MCF2L2: variants seen among roughly 807,000 people sequenced by gnomAD.
MCF2L2 encodes the protein MCF.2 cell line derived transforming sequence-like 2.
Under a neutral mutation model 150.2 loss-of-function variants are expected in MCF2L2, and 102 were observed. The observed-to-expected ratio is 0.68, with a 90% CI of 0.58 to 0.80. MCF2L2 has a LOEUF of 0.80. Among genes scored for constraint, MCF2L2 ranks in the 30% least tolerant of loss-of-function variants. MCF2L2 has a pLI of 0.00. For synonymous variants in MCF2L2, 465 were observed against 491.3 expected, an observed-to-expected ratio of 0.95 and a Z score of 0.71; for missense variants, 1,256 against 1,372.8, an observed-to-expected ratio of 0.91 and a Z score of 1.34.
intron 25 of MCF2L2, among the ~76,000 whole-genome samples, chr3:183,201,278 G>T (rs1276992225): frequency 1.3e-5 from 2 of 152,006 alleles, no homozygotes; most frequent in East Asian, 1.9e-4. Context: ...TTCTTCCATT[G>T]GTTTGTGTCC....
chr3:183,306,829 C>T (rs1259869877), intron 10 of MCF2L2, among the ~76,000 whole-genome samples: 2 of 152,220 alleles, frequency 1.3e-5, no homozygotes, highest in African/African-American at 4.8e-5. Flanking sequence ...TTCTTAGACA[C>T]AGCACCCTTA....
intron 5 of MCF2L2, among the ~76,000 whole-genome samples, chr3:183,333,961 C>CAAA (rs57368442): frequency 3.2e-5 from 3 of 95,004 alleles, no homozygotes; most frequent in Non-Finnish European, 5.2e-5. Flanking sequence ...AAGGAAGTGC[C>CAAA]AAAAAAAAAA....
intron 15 of MCF2L2, among the ~76,000 whole-genome samples, chr3:183,269,230 C>CTTGTTTTTTTTTTTTTTTTTTTT (rs1726468748): frequency 1.2e-5 from 1 of 81,030 alleles, no homozygotes; most frequent in African/African-American, 6.4e-5. Context: ...GTTTGGGAAG[C>CTTGTTTTTTTTTTTTTTTTTTTT]TTTTTTTTTT....
chr3:183,214,109 A>G (rs575273602), intron 22 of MCF2L2, among the ~76,000 whole-genome samples: 1 of 152,172 alleles, frequency 6.6e-6, no homozygotes, highest in East Asian at 1.9e-4. Context: ...TCCTCCTCCT[A>G]TGTTATTTAC....
rs1457159011 is a variant in MCF2L2 at position 183,342,474 on chromosome 3, T to C, written c.276-844A>G. Among the ~76,000 whole-genome samples, 9 of 152,296 alleles carry C rather than the reference T, an allele frequency of 5.9e-5. No individual in the cohort carries two copies. In the East Asian group the frequency reaches 1.3e-3, roughly 23 times the overall value. ...GATTCTGGAACCAACTTGACTAGAT[T>C]TGAATTCTGAATTCTATTTATATAT... On this transcript the variant is annotated intron_variant, in intron 3 of 29. Coordinates refer to ENST00000328913, the MANE Select transcript of MCF2L2 (RefSeq NM_015078.4).
chr3:183,298,378 C>A (rs993483283), intron 11 of MCF2L2: 4 of 152,292 alleles, frequency 2.6e-5, no homozygotes, highest in Admixed American at 2.6e-4. Flanking sequence ...CAAAATGCAA[C>A]ACGCCAAAGT....
Position 183,179,361 on chromosome 3 carries a change from G to T in MCF2L2, c.*19C>A, listed in dbSNP as rs1043759152. On this transcript the variant is annotated 3_prime_UTR_variant, in exon 30 of 30. Transcript: ENST00000328913. The surrounding 1 kb of genome is among the most constrained non-coding windows in gnomAD (Gnocchi z 4.2). Reference sequence around the variant, plus strand: ...TGCGGGCGCTCTGGAGCCGAGGAGCGGGGGCGTCCGCAGGGAGGTCAGCTC... The same window carrying T: ...TGCGGGCGCTCTGGAGCCGAGGAGCTGGGGCGTCCGCAGGGAGGTCAGCTC... The T allele has an allele frequency of 1.4e-6, 2 of 1,431,464 alleles. No homozygotes were observed. Among genetic ancestry groups the T allele is most frequent in the Admixed American group, 5.9e-5 (2 of 34,188 alleles). 88.7% of individuals were successfully genotyped at this position (1,431,464 alleles called of 1,614,324 possible). A position where few individuals can be genotyped will look rare whatever the true frequency, so the allele number is the denominator to read the frequency against.
chr3:183,210,001 T>C (rs1311323779), intron 22 of MCF2L2, among the ~76,000 whole-genome samples: 1 of 152,046 alleles, frequency 6.6e-6, no homozygotes, highest in Admixed American at 6.5e-5. Context: ...TTCAAACTTG[T>C]AGTTTCTATC....
At chr3:183,401,365 A>T (rs1714745198) in intron 1 of MCF2L2, among the ~76,000 whole-genome samples, 1 of 152,238 alleles carries the variant, frequency 6.6e-6, no homozygotes, top group African/African-American at 2.4e-5. Flanking sequence ...CATTCAAGCT[A>T]AAATTTCAGA....
rs556112569 is a variant in MCF2L2, at chr3:183,201,141, G to GT, written c.2884+4734dup. Among the ~76,000 whole-genome samples, 14 of 152,218 alleles carry GT rather than the reference G, an allele frequency of 9.2e-5. No individual in the cohort carries two copies. The South Asian group carries it at 1.7e-3, about 18-fold the overall frequency. On this transcript the variant is annotated intron_variant, in intron 25 of 29. Coordinates refer to ENST00000328913, the MANE Select transcript of MCF2L2 (RefSeq NM_015078.4). Reference sequence around the variant, plus strand: ...TTGGTTCCATATGAACTTTAAAGTAGTTTTTTTCCAATTCTGTGAAGAAAG... The same window carrying GT: ...TTGGTTCCATATGAACTTTAAAGTAGTTTTTTTTCCAATTCTGTGAAGAAAG...
chr3:183,205,904 T>C lies in MCF2L2; in HGVS notation c.2856A>G (p.Leu952=), dbSNP rs148057637. ...RDCWFSEISK[L]LMEQQNNIKD... ...TGATATTATTTTGTTGTTCCATCAA[T>C]AATTTACTTATTTCTGAAAACCAAC... Residue 952 remains leucine, a synonymous_variant, in exon 25 of 30, where the codon TTA becomes TTG. Coordinates refer to ENST00000328913, the MANE Select transcript of MCF2L2 (RefSeq NM_015078.4). 114 of 1,614,012 alleles carry C rather than the reference T, an allele frequency of 7.1e-5. No homozygotes were observed. The African/African-American group carries it at 1.5e-3, about 21-fold the overall frequency.
rs560039285 is a variant in MCF2L2 at position 183,300,929 on chromosome 3, C to T, written c.1114-733G>A. 5.4e-5 allele frequency among the ~76,000 whole-genome samples: 8 copies of T among 148,542 alleles called. No homozygotes were observed. The South Asian group carries it at 1.5e-3, about 28-fold the overall frequency. ...ACTCAGGAGGCTGAGGCAGGAGAAT[C>T]GCTTGAACCCGGGAGGCGGAGATTG... On this transcript the variant is annotated intron_variant, in intron 10 of 29. Transcript: ENST00000328913.
At chr3:183,250,668 G>A (rs149511992) in intron 15 of MCF2L2, among the ~76,000 whole-genome samples, 97 of 152,258 alleles carry the variant, frequency 6.4e-4, no homozygotes, top group Non-Finnish European at 9.4e-4. Context: ...GCATGTGTGC[G>A]GAGAAGAGAA....
chr3:183,386,686 G>A (rs1177431359), intron 2 of MCF2L2, among the ~76,000 whole-genome samples: 1 of 152,224 alleles, frequency 6.6e-6, no homozygotes, highest in African/African-American at 2.4e-5. Context: ...TATGAGTTGA[G>A]GCTGAGGCTG....
intron 19 of MCF2L2, 145 bp from the exon 20 acceptor site, chr3:183,223,583 T>C: frequency 1.6e-6 from 1 of 630,500 alleles, no homozygotes. Context: ...GGCTGTGGGG[T>C]TGTTCTTTCC....
intron 1 of MCF2L2, among the ~76,000 whole-genome samples, chr3:183,413,022 T>C (rs918815764): frequency 6.6e-6 from 1 of 152,258 alleles, no homozygotes; most frequent in Non-Finnish European, 1.5e-5. Flanking sequence ...ACATGTATTA[T>C]ATTGATTGAT....
intron 1 of MCF2L2, among the ~76,000 whole-genome samples, chr3:183,403,761 T>C (rs1040122145): frequency 6.6e-5 from 10 of 152,220 alleles, no homozygotes; most frequent in African/African-American, 2.2e-4. Flanking sequence ...CTGTGCTTAA[T>C]AAGCATTAGG....
intron 17 of MCF2L2, among the ~76,000 whole-genome samples, chr3:183,228,605 A>T (rs1723436160): frequency 6.6e-6 from 1 of 152,184 alleles, no homozygotes; most frequent in Admixed American, 6.6e-5. Flanking sequence ...TAGGTTCACA[A>T]AAAGAAAAAT....
In MCF2L2 at chr3:183,216,570, ATATATATATATTTTTTTTTTTTTTTTTT is replaced by A. The variant is rs1247563479; in HGVS notation, c.2371-504_2371-477del. 2.5e-3 allele frequency among the ~76,000 whole-genome samples: 68 copies of A among 26,970 alleles called. 1 individual carries two copies. The highest frequency in any genetic ancestry group is 0.012 in the African/African-American group (38 of 3,238). The allele number at this position is 26,970 out of a possible 152,430, so 17.7% of individuals were successfully genotyped here. On this transcript the variant is annotated intron_variant, in intron 21 of 29. Transcript: ENST00000328913. ...ATATATATTATATATATATATATAT[ATATATATATATTTTTTTTTTTTTTTTTT>A]TTTTTTTTTTTTTTTTTTGAGAGCG... is the stretch of plus-strand genomic sequence containing the variant.
Sources: gnomAD v4.1 joint callset for allele counts (sites outside exome capture counted in the v4.1 genomes callset) on GRCh38, gnomAD v4.1.1 for gene constraint, Gnocchi (gnomAD v3.1) non-coding constraint, MANE v1.5 for transcripts, NCBI Gene and HGNC (gene_info 2026-07-23, HGNC 2026-07-21) for gene names.